The following TAS1R2 variants were observed in gnomAD, a reference collection of about 807,000 sequenced individuals.
TAS1R2 encodes taste 1 receptor member 2.
In TAS1R2, 47 loss-of-function variants were observed where a neutral mutation model predicts 49.3. That is an observed-to-expected ratio of 0.95 (90% CI 0.75 to 1.22). The LOEUF is 1.22. Ranked by LOEUF, TAS1R2 falls within the 50% of genes most tolerant of loss-of-function variation. The pLI is 0.00. For missense variants in TAS1R2, 1,155 were observed against 1,122.1 expected (o/e 1.03, Z -0.42); for synonymous variants, 479 against 467.9 (o/e 1.02, Z -0.31).
At chr1:18,855,102 G>T in intron 2 of TAS1R2, 116 bp from the exon 3 acceptor site, 1 of 1,335,870 alleles carries the variant, frequency 7.5e-7, no homozygotes, top group Non-Finnish European at 1.0e-6. Flanking sequence ...CACCCCAGGG[G>T]TAGGTGGTTT....
intron 4 of TAS1R2, among the ~76,000 whole-genome samples, chr1:18,845,474 T>C (rs933797513): frequency 5.9e-5 from 9 of 152,210 alleles, no homozygotes; most frequent in Non-Finnish European, 1.2e-4. Context: ...CATTGCAGCA[T>C]TGGTGCTTCT....
intron 1 of TAS1R2, among the ~76,000 whole-genome samples, chr1:18,858,730 G>T (rs1404431606): frequency 6.6e-6 from 1 of 152,158 alleles, no homozygotes; most frequent in Middle Eastern, 3.2e-3. Context: ...ATGATCACAA[G>T]CATTAGAAAA....
At chr1:18,849,192 C>A in intron 4 of TAS1R2, 149 bp downstream of exon 4, 1 of 857,360 alleles carries the variant, frequency 1.2e-6, no homozygotes. Flanking sequence ...AGGAAAGGAC[C>A]CCAGACGATA....
intron 3 of TAS1R2, among the ~76,000 whole-genome samples, chr1:18,850,938 C>A (rs1016782001): frequency 2.0e-5 from 3 of 152,240 alleles, no homozygotes; most frequent in Non-Finnish European, 4.4e-5. Flanking sequence ...CATTCAGCCT[C>A]TTCGCTGCCC....
Position 18,854,318 on chromosome 1 carries a change from G to A in TAS1R2, c.1152C>T (p.Val384=), listed in dbSNP as rs767609749. ...AGACCGCAGAGTACACGCTGTAGAC[G>A]ACACGCTCCCCAGAGAGCCTGAGAA... Residue 384 remains valine (V), a synonymous_variant, in exon 3 of 6, where the codon GTC becomes GTT. Coordinates refer to ENST00000375371, the Ensembl canonical transcript of TAS1R2. This position sits in a 1 kb window ranked among gnomAD's most constrained non-coding sequence, Gnocchi z 4.9. 1.8e-5 allele frequency: 29 copies of A among 1,613,960 alleles called. No individual in the cohort carries two copies. Among genetic ancestry groups the A allele is most frequent in the African/African-American group, 5.3e-5 (4 of 74,940 alleles).
intron 3 of TAS1R2, among the ~76,000 whole-genome samples, chr1:18,853,605 C>T (rs1054712666): frequency 6.6e-6 from 1 of 152,146 alleles, no homozygotes; most frequent in African/African-American, 2.4e-5. Flanking sequence ...GGCTAAATAG[C>T]AGGGTGGGAG....
chr1:18,841,800 G>C (rs1053095093), exon 5 of TAS1R2: 1 of 1,613,722 alleles, frequency 6.2e-7, no homozygotes, highest in African/African-American at 1.3e-5. Context: ...GATGCCCACA[G>C]GCTTCTTCTT....
intron 1 of TAS1R2, among the ~76,000 whole-genome samples, chr1:18,859,260 A>C (rs1934196995): frequency 6.6e-6 from 1 of 152,228 alleles, no homozygotes; most frequent in African/African-American, 2.4e-5. Context: ...CCCCAGTCTC[A>C]GTGTTTCAGA....
intron 2 of TAS1R2, among the ~76,000 whole-genome samples, chr1:18,856,804 G>T (rs1404962528): frequency 6.6e-6 from 1 of 152,178 alleles, no homozygotes; most frequent in African/African-American, 2.4e-5. Context: ...TTTCAATCAT[G>T]ATTATGATAA....
chr1:18,854,402 G>A lies in TAS1R2; in HGVS notation c.1068C>T (p.Ser356=). The change falls in exon 3 of 6, where the codon AGC becomes AGT. Residue 356 remains serine (S), a synonymous_variant. Transcript: ENST00000375371. This position sits in a 1 kb window ranked among gnomAD's most constrained non-coding sequence, Gnocchi z 4.9. ...TGTCGCACTCCTGGTTGCAGGTATA[G>A]CTCTGGCTGGTCCTGCTGAGGGGTG... 1 of 1,614,016 alleles carries A rather than the reference G, an allele frequency of 6.2e-7. No individual in the cohort carries two copies. Among genetic ancestry groups the A allele is most frequent in the Non-Finnish European group, 8.5e-7 (1 of 1,179,950 alleles).
intron 3 of TAS1R2, 57 bp from the exon 4 acceptor site, chr1:18,849,607 T>G (rs1414737162): frequency 6.3e-7 from 1 of 1,586,858 alleles, no homozygotes; most frequent in Non-Finnish European, 8.6e-7. Flanking sequence ...AGCCAGAATT[T>G]TTCCTGGACC....
chr1:18,849,364 A>G (rs1266375944), exon 4 of TAS1R2: 1 of 1,613,968 alleles, frequency 6.2e-7, no homozygotes, highest in East Asian at 2.2e-5. Flanking sequence ...GTGTGCCAGG[A>G]GATGTCTTGG....
chr1:18,849,617 C>G (rs976257256), intron 3 of TAS1R2, 67 bp from the exon 4 acceptor site: 51 of 1,557,426 alleles, frequency 3.3e-5, no homozygotes, highest in Non-Finnish European at 4.2e-5. Flanking sequence ...TTTCCTGGAC[C>G]TGGGAAAGAT....
intron 4 of TAS1R2, among the ~76,000 whole-genome samples, chr1:18,842,905 C>T (rs1414168365): frequency 3.9e-5 from 6 of 152,144 alleles, no homozygotes; most frequent in Non-Finnish European, 8.8e-5. Flanking sequence ...TACTGAAATG[C>T]ATGCTTAAAA....
intron 2 of TAS1R2, 143 bp from the exon 3 acceptor site, chr1:18,855,129 T>C (rs890020801): frequency 3.9e-5 from 40 of 1,024,090 alleles, no homozygotes; most frequent in Admixed American, 1.4e-4. Context: ...TCGTCAATCA[T>C]CATGGTCCCC....
intron 4 of TAS1R2, 133 bp from the exon 5 acceptor site, chr1:18,841,985 A>C: frequency 1.6e-5 from 9 of 579,722 alleles, no homozygotes; most frequent in Non-Finnish European, 1.3e-5. Flanking sequence ...GAAACTGTAG[A>C]AAAAAAAAAA....
In TAS1R2 at chr1:18,854,811, C is replaced by A; in HGVS notation, c.659G>T (p.Gly220Val). The A allele has an allele frequency of 6.2e-7, 1 of 1,606,536 alleles. No homozygotes were observed. The highest frequency in any genetic ancestry group is 8.5e-7 in the Non-Finnish European group (1 of 1,179,006). ...GGCCACGCGCTCGCCAAGCAGCTGG[C>A]CATTGTCGCGGCCATAGGTGTCGCT... Residue 220 changes from glycine to valine, a missense_variant, in exon 3 of 6, where the codon GGC becomes GTC. Coordinates refer to ENST00000375371, the Ensembl canonical transcript of TAS1R2. This position sits in a 1 kb window ranked among gnomAD's most constrained non-coding sequence, Gnocchi z 4.9.
At chr1:18,852,039 T>G (rs929435037) in intron 3 of TAS1R2, among the ~76,000 whole-genome samples, 1 of 152,180 alleles carries the variant, frequency 6.6e-6, no homozygotes, top group African/African-American at 2.4e-5. Flanking sequence ...CATCCAATAT[T>G]CACTGAGAAT....
chr1:18,841,699 G>A, intron 5 of TAS1R2, 30 bp downstream of exon 5: 1 of 1,602,886 alleles, frequency 6.2e-7, no homozygotes, highest in Non-Finnish European at 8.5e-7. Flanking sequence ...GGCAGGGGCA[G>A]GGCAGGAGTG....
Sources: allele counts gnomAD v4.1 joint callset (sites outside exome capture counted in the v4.1 genomes callset), GRCh38; gene constraint gnomAD v4.1.1; non-coding constraint Gnocchi (gnomAD v3.1); transcripts MANE v1.5; gene names NCBI Gene and HGNC (gene_info 2026-07-23, HGNC 2026-07-21).